FBN1: variants seen among roughly 807,000 people sequenced by gnomAD.
The protein encoded by FBN1 is fibrillin-1.
In FBN1, 29 loss-of-function variants were observed where a neutral mutation model predicts 365.1. That is an observed-to-expected ratio of 0.08 (90% confidence interval 0.06 to 0.11). FBN1 has a LOEUF of 0.11. FBN1 is among the 10% of genes least tolerant of loss of function. The pLI is 1.00. For synonymous variants in FBN1, 1,210 were observed against 1,270.5 expected, an observed-to-expected ratio of 0.95 and a Z score of 1.01; for missense variants, 2,476 against 3,703.2, an observed-to-expected ratio of 0.67 and a Z score of 8.60.
chr15:48,422,868 A>G (rs1012378502), intron 60 of FBN1, among the ~76,000 whole-genome samples: 4 of 152,176 alleles, frequency 2.6e-5, no homozygotes, highest in African/African-American at 9.7e-5. Flanking sequence ...CAGAGGTTGC[A>G]GTGAGCTGAG....
At chr15:48,470,875 T>C (rs1159532971) in intron 35 of FBN1, 119 bp from the exon 36 acceptor site, 2 of 1,096,116 alleles carry the variant, frequency 1.8e-6, no homozygotes, top group East Asian at 5.2e-5. Flanking sequence ...CTAACACCAA[T>C]CTGGGCACTT....
At chr15:48,481,541 A>G in intron 32 of FBN1, 114 bp downstream of exon 32, 1 of 1,132,148 alleles carries the variant, frequency 8.8e-7, no homozygotes, top group East Asian at 2.6e-5. Flanking sequence ...TGTTATGCAA[A>G]ATGTTTTATA....
chr15:48,528,024 G>C (rs2043929973), intron 8 of FBN1, among the ~76,000 whole-genome samples: 1 of 152,216 alleles, frequency 6.6e-6, no homozygotes, highest in Non-Finnish European at 1.5e-5. Context: ...CTTCATTTAA[G>C]GATAGAGGAA....
intron 3 of FBN1, 113 bp downstream of exon 3, chr15:48,612,888 TGGAAGGCTG>T (rs2044667700): frequency 1.3e-6 from 1 of 798,726 alleles, no homozygotes; most frequent in Admixed American, 1.8e-5. Flanking sequence ...GTCTTAAAGC[TGGAAGGCTG>T]TACTATCAAC....
At chr15:48,605,183 A>G (rs1009507759) in intron 4 of FBN1, among the ~76,000 whole-genome samples, 3 of 152,184 alleles carry the variant, frequency 2.0e-5, no homozygotes, top group Non-Finnish European at 2.9e-5. Flanking sequence ...GAAAAGAACT[A>G]GAATAGCTAA....
At chr15:48,448,485 A>G (rs772752672) in intron 46 of FBN1, among the ~76,000 whole-genome samples, 2 of 152,212 alleles carry the variant, frequency 1.3e-5, no homozygotes, top group Non-Finnish European at 2.9e-5. Flanking sequence ...CATATGAATA[A>G]TAGCCTATTA....
At chr15:48,545,437 T>C (rs1343848818) in intron 6 of FBN1, among the ~76,000 whole-genome samples, 3 of 152,178 alleles carry the variant, frequency 2.0e-5, no homozygotes. Context: ...TGAAGGCATA[T>C]GTTGGTAAAG....
At chr15:48,616,706 T>C (rs1889660785) in intron 2 of FBN1, among the ~76,000 whole-genome samples, 1 of 152,152 alleles carries the variant, frequency 6.6e-6, no homozygotes, top group Non-Finnish European at 1.5e-5. Context: ...TCATGAGCCA[T>C]CCCCATCAAC....
intron 10 of FBN1, among the ~76,000 whole-genome samples, chr15:48,517,087 C>G (rs1052275855): frequency 2.3e-4 from 35 of 152,144 alleles, no homozygotes; most frequent in Non-Finnish European, 1.0e-4. Flanking sequence ...TGTTGGTGCC[C>G]TTGCCTGGAC....
At chr15:48,459,873 G>C (rs1441142104) in intron 43 of FBN1, among the ~76,000 whole-genome samples, 2 of 152,194 alleles carry the variant, frequency 1.3e-5, no homozygotes, top group Non-Finnish European at 2.9e-5. Flanking sequence ...CGTAAGGATT[G>C]GTGTGAAGTC....
rs550230068 is a variant in FBN1, at chr15:48,570,429, T to G, written c.538+25854A>C. 4.6e-5 allele frequency among the ~76,000 whole-genome samples: 7 copies of G among 152,150 alleles called. No homozygotes were observed. The South Asian group carries it at 1.2e-3, about 27-fold the overall frequency. ...ATACATAAATACACATGCAAAAAATTTGTTTTGTGCCTCTGCTACTGTAAA... is the reference window on the plus strand; with the variant it reads ...ATACATAAATACACATGCAAAAAATGTGTTTTGTGCCTCTGCTACTGTAAA... On this transcript the variant is annotated intron_variant, in intron 6 of 65. Coordinates refer to ENST00000316623, the MANE Select transcript of FBN1 (RefSeq NM_000138.5).
In FBN1 at chr15:48,585,141, C is replaced by T. The variant is rs182742162; in HGVS notation, c.538+11142G>A. Among the ~76,000 whole-genome samples, 94 of 152,302 alleles carry T rather than the reference C, an allele frequency of 6.2e-4. 1 individual carries two copies. Among genetic ancestry groups the T allele is most frequent in the Admixed American group, 5.6e-3 (86 of 15,294 alleles). ...AATTTGGATAAAAGTTGCCTCCATC[C>T]TGTAAGGCTTCTCTTTCAGCGTGGT... On this transcript the variant is annotated intron_variant, in intron 6 of 65. Transcript: ENST00000316623.
intron 58 of FBN1, 91 bp from the exon 59 acceptor site, chr15:48,425,955 T>C: frequency 1.9e-6 from 2 of 1,027,806 alleles, no homozygotes; most frequent in South Asian, 1.4e-5. Flanking sequence ...TACTAATAAA[T>C]TGTGTTACTA....
At chr15:48,413,883 CCCAATCTTGCCAGAGT>C (rs2141212856) in intron 64 of FBN1, among the ~76,000 whole-genome samples, 1 of 152,294 alleles carries the variant, frequency 6.6e-6, no homozygotes, top group Admixed American at 6.5e-5. Flanking sequence ...TACTGTTTCC[CCCAATCTTGCCAGAGT>C]CCAATACATT....
At chr15:48,481,141 T>C (rs1246872148) in intron 32 of FBN1, among the ~76,000 whole-genome samples, 2 of 152,208 alleles carry the variant, frequency 1.3e-5, no homozygotes, top group African/African-American at 4.8e-5. Flanking sequence ...GTCCCATGAA[T>C]AAAGACTTCC....
intron 5 of FBN1, among the ~76,000 whole-genome samples, chr15:48,598,998 G>T (rs2044537411): frequency 6.6e-6 from 1 of 152,140 alleles, no homozygotes; most frequent in East Asian, 1.9e-4. Flanking sequence ...TGCCATCCAT[G>T]TAAGACGTGA....
At chr15:48,445,925 T>C (rs2043154765) in intron 47 of FBN1, among the ~76,000 whole-genome samples, 1 of 152,186 alleles carries the variant, frequency 6.6e-6, no homozygotes, top group Non-Finnish European at 1.5e-5. Flanking sequence ...ATTTGGCTTA[T>C]TACTCTTGCC....
rs1380199210 is a variant in FBN1, at chr15:48,412,492, TC to T, written c.8226+76del. On this transcript the variant is annotated intron_variant, in intron 65 of 65. Coordinates refer to ENST00000316623, the MANE Select transcript of FBN1 (RefSeq NM_000138.5). The stretch of plus-strand genomic sequence containing the variant: ...GGGAGCTTTTTCACACTTTGGAGCA[TC>T]CTTGGAGGAAACCACAGGAATCTGG... 1.0e-5 allele frequency: 15 copies of T among 1,500,872 alleles called. No homozygotes were observed. The Admixed American group carries it at 1.8e-4, about 18-fold the overall frequency. The allele number at this position is 1,500,872 out of a possible 1,614,324, so 93.0% of individuals were successfully genotyped here.
chr15:48,523,637 G>A (rs1315542492), intron 9 of FBN1, among the ~76,000 whole-genome samples: 1 of 147,740 alleles, frequency 6.8e-6, no homozygotes, highest in Non-Finnish European at 1.5e-5. Context: ...ACCATTTGGA[G>A]TAAATGACCT....
Sources: gnomAD v4.1 joint callset for allele counts (sites outside exome capture counted in the v4.1 genomes callset) on GRCh38, gnomAD v4.1.1 for gene constraint, MANE v1.5 for transcripts, NCBI Gene and HGNC (gene_info 2026-07-23, HGNC 2026-07-21) for gene names.